PDE1C: variants seen among roughly 807,000 people sequenced by gnomAD.
PDE1C encodes the protein phosphodiesterase 1C.
Under a neutral mutation model 93.1 loss-of-function variants are expected in PDE1C, and 62 were observed. The ratio of observed to expected loss-of-function variants is 0.67; its 90% CI spans 0.54 to 0.82. The LOEUF (loss-of-function observed/expected upper bound fraction) is 0.82. Ranked by LOEUF, PDE1C falls within the 40% of genes least tolerant of loss-of-function variation. The pLI, the probability that PDE1C is intolerant of heterozygous loss-of-function variation, is 0.00. For missense variants in PDE1C, 742 were observed against 884.6 expected (o/e 0.84, Z 2.04); for synonymous variants, 325 against 310.1 (o/e 1.05, Z -0.50).
At chr7:31,625,024 G>A in the PDE1C span, among the ~76,000 whole-genome samples, 6 of 152,190 alleles carry the variant, frequency 3.9e-5, no homozygotes, top group Admixed American at 3.9e-4. Flanking sequence ...ATGAAAAAAT[G>A]CTCATCATCA....
At chr7:32,315,670 G>C (rs1334721119) in intron 1 of PDE1C, among the ~76,000 whole-genome samples, 1 of 152,176 alleles carries the variant, frequency 6.6e-6, no homozygotes, top group African/African-American at 2.4e-5. Flanking sequence ...AACAGACATA[G>C]ATGTCTAAAT....
At chr7:31,628,860 C>T in the PDE1C span, among the ~76,000 whole-genome samples, 10 of 152,300 alleles carry the variant, frequency 6.6e-5, no homozygotes, top group East Asian at 1.2e-3. Flanking sequence ...ACTGTCTGAA[C>T]ATTTGATGTA....
intron 2 of PDE1C, among the ~76,000 whole-genome samples, chr7:31,914,486 G>A (rs1241342353): frequency 6.6e-6 from 1 of 152,098 alleles, no homozygotes; most frequent in Non-Finnish European, 1.5e-5. Context: ...ATAATAAGAG[G>A]AATCTAGTGA....
At chr7:32,218,904 G>A (rs1806631836) in intron 1 of PDE1C, among the ~76,000 whole-genome samples, 1 of 152,094 alleles carries the variant, frequency 6.6e-6, no homozygotes, top group Non-Finnish European at 1.5e-5. Context: ...CATCTGTTGG[G>A]CTCCCTCCTC....
intron 2 of PDE1C, among the ~76,000 whole-genome samples, chr7:31,964,643 C>G (rs554413097): frequency 2.6e-5 from 4 of 152,172 alleles, no homozygotes; most frequent in East Asian, 3.9e-4. Context: ...GATCTGAGAA[C>G]GGGCAGACTG....
chr7:32,069,680 T>C (rs1229442965), intron 1 of PDE1C, among the ~76,000 whole-genome samples: 1 of 152,210 alleles, frequency 6.6e-6, no homozygotes, highest in Non-Finnish European at 1.5e-5. Flanking sequence ...ACTAGAATTC[T>C]GGCCACTCTA....
intron 1 of PDE1C, among the ~76,000 whole-genome samples, chr7:32,324,382 T>A (rs547981632): frequency 1.3e-5 from 2 of 152,336 alleles, no homozygotes; most frequent in African/African-American, 4.8e-5. Context: ...TTATTCTAAA[T>A]TTCCCAGTCG....
chr7:31,617,351 A>AGATT, the PDE1C span, among the ~76,000 whole-genome samples: 1 of 152,228 alleles, frequency 6.6e-6, no homozygotes, highest in African/African-American at 2.4e-5. Context: ...GTTAAATTTT[A>AGATT]GATTGCCAAA....
At chr7:32,342,726 C>A (rs538223700) in intron 1 of PDE1C, among the ~76,000 whole-genome samples, 4 of 152,090 alleles carry the variant, frequency 2.6e-5, no homozygotes, top group Non-Finnish European at 5.9e-5. Flanking sequence ...CTCTTTGTAC[C>A]TTACTTTCCC....
At position 31,808,943 on chromosome 7, in the gene PDE1C, C is replaced by T. The variant is rs995599631; in HGVS notation, c.1891+88G>A. On this transcript the variant is annotated intron_variant, in intron 16 of 17. Coordinates refer to ENST00000396191, the MANE Select transcript of PDE1C (RefSeq NM_001191057.4). ...TCAGGATATAAGAATATATTCACAA[C>T]CACTATTTCAATTTTGGGTATGATT... 4.1e-6 allele frequency: 3 copies of T among 730,696 alleles called. No individual in the cohort carries two copies. In the African/African-American group the frequency reaches 5.3e-5, roughly 13 times the overall value. 45.3% of individuals were successfully genotyped at this position (730,696 alleles called of 1,614,324 possible).
At position 32,078,059 on chromosome 7, in the gene PDE1C, T is replaced by C. The variant is rs1392959865; in HGVS notation, c.308+91726A>G. ...AATTAACTTGGCTGTACTAATGAAA[T>C]TGAAATTTTTGTTCACGTAAAACTG... On this transcript the variant is annotated intron_variant, in intron 3 of 18. Coordinates refer to the PDE1C transcript ENST00000396193. 1.0e-5 allele frequency: 10 copies of C among 983,766 alleles called. No individual in the cohort carries two copies. In the South Asian group the frequency reaches 1.4e-4, roughly 14 times the overall value. 60.9% of individuals were successfully genotyped at this position (983,766 alleles called of 1,614,324 possible).
intron 1 of PDE1C, among the ~76,000 whole-genome samples, chr7:32,264,535 A>T (rs1030413444): frequency 3.3e-5 from 5 of 152,156 alleles, no homozygotes; most frequent in Non-Finnish European, 5.9e-5. Flanking sequence ...TTCTCTCCAA[A>T]ATGGATCCAA....
At chr7:31,884,313 G>A (rs1797620844) in intron 2 of PDE1C, among the ~76,000 whole-genome samples, 1 of 151,646 alleles carries the variant, frequency 6.6e-6, no homozygotes, top group Non-Finnish European at 1.5e-5. Flanking sequence ...AATGGAAACA[G>A]AAGTGAATTT....
At chr7:32,085,978 A>G (rs2128741499) in intron 3 of PDE1C, among the ~76,000 whole-genome samples, 1 of 151,812 alleles carries the variant, frequency 6.6e-6, no homozygotes, top group South Asian at 2.1e-4. Flanking sequence ...ACTCCTATTC[A>G]ACATAGTGCT....
chr7:32,067,003 G>A (rs917616814), intron 1 of PDE1C, among the ~76,000 whole-genome samples: 12 of 152,184 alleles, frequency 7.9e-5, no homozygotes, highest in African/African-American at 2.9e-4. Context: ...CAAGGCTGAG[G>A]ACCAGCACCC....
chr7:32,108,885 C>T (rs1458215031), intron 3 of PDE1C, among the ~76,000 whole-genome samples: 3 of 152,212 alleles, frequency 2.0e-5, no homozygotes, highest in Non-Finnish European at 2.9e-5. Flanking sequence ...TGCCAGCTAA[C>T]ACAAGCTTCT....
chr7:31,950,581 G>A (rs1807231838), intron 2 of PDE1C, among the ~76,000 whole-genome samples: 1 of 152,188 alleles, frequency 6.6e-6, no homozygotes, highest in Non-Finnish European at 1.5e-5. Flanking sequence ...TTAAGTGTAT[G>A]TTCTTTCTTG....
chr7:31,740,932 G>A, the PDE1C span, among the ~76,000 whole-genome samples: 3 of 152,034 alleles, frequency 2.0e-5, no homozygotes, highest in African/African-American at 7.2e-5. Flanking sequence ...AGCCAGGAGT[G>A]ATGGTACATG....
intron 2 of PDE1C, among the ~76,000 whole-genome samples, chr7:32,177,540 G>T (rs947158845): frequency 1.3e-5 from 2 of 152,046 alleles, no homozygotes; most frequent in African/African-American, 4.8e-5. Context: ...CCGACCCAGA[G>T]TCTGCACCCC....
Sources: gnomAD v4.1 joint callset for allele counts (sites outside exome capture counted in the v4.1 genomes callset) on GRCh38, gnomAD v4.1.1 for gene constraint, MANE v1.5 for transcripts, NCBI Gene and HGNC (gene_info 2026-07-23, HGNC 2026-07-21) for gene names.